The following VAV3 variants were observed in gnomAD, a reference collection of about 807,000 sequenced individuals.
The protein encoded by VAV3 is guanine nucleotide exchange factor VAV3.
A neutral mutation model predicts 131.2 loss-of-function variants in VAV3; 94 were observed. The ratio of observed to expected loss-of-function variants is 0.72; its 90% CI spans 0.61 to 0.85. The LOEUF (loss-of-function observed/expected upper bound fraction) is 0.85. VAV3 is among the 40% of genes least tolerant of loss of function. The pLI is 0.00. For missense variants in VAV3, 939 were observed against 1,002.7 expected, an observed-to-expected ratio of 0.94 and a Z score of 0.86; for synonymous variants, 349 against 342.0, an observed-to-expected ratio of 1.02 and a Z score of -0.22.
At chr1:107,714,149 G>C (rs372057818) in intron 15 of VAV3, among the ~76,000 whole-genome samples, 38 of 152,204 alleles carry the variant, frequency 2.5e-4, no homozygotes, top group African/African-American at 9.1e-4. Flanking sequence ...GTCTGAACTA[G>C]AAATTGACCT....
chr1:107,707,924 C>T (rs1403130349), intron 15 of VAV3, among the ~76,000 whole-genome samples: 1 of 152,184 alleles, frequency 6.6e-6, no homozygotes, highest in Non-Finnish European at 1.5e-5. Flanking sequence ...TCAAAAGAGG[C>T]ATTTATTTCA....
At chr1:107,652,154 G>A (rs1027026147) in intron 19 of VAV3, among the ~76,000 whole-genome samples, 1 of 152,144 alleles carries the variant, frequency 6.6e-6, no homozygotes, top group African/African-American at 2.4e-5. Flanking sequence ...TGATAAAACA[G>A]ATTGCAGTAA....
intron 21 of VAV3, 126 bp downstream of exon 21, chr1:107,617,441 T>C (rs1005015848): frequency 1.7e-5 from 12 of 716,966 alleles, no homozygotes; most frequent in Admixed American, 1.3e-4. Context: ...AAAATAATGA[T>C]TCTTCCAGAA....
intron 1 of VAV3, among the ~76,000 whole-genome samples, chr1:107,934,232 A>G (rs971651853): frequency 3.9e-5 from 6 of 152,220 alleles, no homozygotes; most frequent in Middle Eastern, 6.3e-3. Context: ...TGGCTAGATG[A>G]AAATATTGCA....
intron 25 of VAV3, among the ~76,000 whole-genome samples, chr1:107,594,056 A>G (rs1351958816): frequency 6.6e-6 from 1 of 152,108 alleles, no homozygotes; most frequent in East Asian, 1.9e-4. Context: ...CTGGAATGGT[A>G]TCACAAATTT....
At chr1:107,637,581 C>A (rs1321471199) in intron 20 of VAV3, among the ~76,000 whole-genome samples, 1 of 152,144 alleles carries the variant, frequency 6.6e-6, no homozygotes, top group Non-Finnish European at 1.5e-5. Flanking sequence ...CGTGATCCCG[C>A]CGCTGCACTC....
chr1:107,710,960 G>A (rs17540379), intron 15 of VAV3, among the ~76,000 whole-genome samples: 28,038 of 151,876 alleles, frequency 0.18, 3,174 homozygotes, highest in Non-Finnish European at 0.25. Context: ...AAAGATAATA[G>A]AAAACATATC....
Position 107,611,606 on chromosome 1 carries a change from A to AC in VAV3, c.1981-1642_1981-1641insG, listed in dbSNP as rs1201168621. ...CTTTCCATAGAGAACCAAAAAAAAA[A>AC]AACAAACAAACAAACAAAAAAAAGG... On this transcript the variant is annotated intron_variant, in intron 21 of 26. Coordinates refer to ENST00000370056, the MANE Select transcript of VAV3 (RefSeq NM_006113.5). Among the ~76,000 whole-genome samples the AC allele has an allele frequency of 2.8e-5, 4 of 143,328 alleles. No individual in the cohort carries two copies. The Admixed American group carries it at 2.9e-4, about 10-fold the overall frequency. The allele number at this position is 143,328 out of a possible 152,430, so 94.0% of individuals were successfully genotyped here. A position where few individuals can be genotyped will look rare whatever the true frequency, so the allele number is the denominator to read the frequency against.
intron 17 of VAV3, among the ~76,000 whole-genome samples, chr1:107,700,222 G>A (rs1264056895): frequency 6.6e-6 from 1 of 152,214 alleles, no homozygotes; most frequent in Non-Finnish European, 1.5e-5. Flanking sequence ...GGTCTATGCA[G>A]TCAACTTTCA....
intron 19 of VAV3, chr1:107,668,719 A>G: frequency 3.0e-6 from 3 of 984,980 alleles, no homozygotes; most frequent in Non-Finnish European, 3.6e-6. Flanking sequence ...GGAGGAAACT[A>G]ACAATTCTAA....
At chr1:107,796,800 A>AT (rs1553210372) in intron 2 of VAV3, among the ~76,000 whole-genome samples, 1,416 of 82,968 alleles carry the variant, frequency 0.017, 20 homozygotes, top group East Asian at 0.071. Flanking sequence ...TAAAAAAAAA[A>AT]AAAAATATAT....
intron 25 of VAV3, among the ~76,000 whole-genome samples, chr1:107,595,911 G>C (rs1429203507): frequency 6.6e-6 from 1 of 152,096 alleles, no homozygotes; most frequent in Non-Finnish European, 1.5e-5. Flanking sequence ...AAGTTAAAAA[G>C]AGTTTAGTTA....
At chr1:107,836,095 C>G (rs963215495) in intron 2 of VAV3, among the ~76,000 whole-genome samples, 1 of 152,202 alleles carries the variant, frequency 6.6e-6, no homozygotes. Flanking sequence ...GATGTCAACA[C>G]TCCACTGACA....
intron 2 of VAV3, among the ~76,000 whole-genome samples, chr1:107,791,747 C>T (rs1360812327): frequency 6.6e-6 from 1 of 152,016 alleles, no homozygotes; most frequent in Non-Finnish European, 1.5e-5. Flanking sequence ...ACCCTGAGGT[C>T]CAAGAGAATC....
intron 20 of VAV3, among the ~76,000 whole-genome samples, chr1:107,625,855 G>A (rs1027828176): frequency 1.3e-5 from 2 of 152,088 alleles, no homozygotes; most frequent in Admixed American, 6.5e-5. Flanking sequence ...CACGTCAGAT[G>A]GAATTCCAAA....
At chr1:107,772,884 C>T (rs754887929) in intron 4 of VAV3, 41 bp from the exon 5 acceptor site, 1 of 1,524,304 alleles carries the variant, frequency 6.6e-7, no homozygotes, top group East Asian at 2.3e-5. Flanking sequence ...TTCTATTATG[C>T]AGTAAATGCA....
chr1:107,654,860 T>C (rs923386547), intron 19 of VAV3, among the ~76,000 whole-genome samples: 2 of 151,826 alleles, frequency 1.3e-5, no homozygotes, highest in African/African-American at 2.4e-5. Context: ...ATGAAAATAA[T>C]AATGAAATAG....
chr1:107,575,812 A>G (rs1014137446), intron 25 of VAV3, among the ~76,000 whole-genome samples: 1 of 152,180 alleles, frequency 6.6e-6, no homozygotes, highest in African/African-American at 2.4e-5. Flanking sequence ...ATTTTTAAAA[A>G]TCGGTCAGAA....
At chr1:107,635,013 C>A (rs1046022333) in intron 20 of VAV3, among the ~76,000 whole-genome samples, 9 of 151,728 alleles carry the variant, frequency 5.9e-5, no homozygotes, top group South Asian at 4.2e-4. Context: ...CACTTTTACA[C>A]TGTTGGTGGG....
Sources: allele counts gnomAD v4.1 joint callset (sites outside exome capture counted in the v4.1 genomes callset), GRCh38; gene constraint gnomAD v4.1.1; transcripts MANE v1.5; gene names NCBI Gene and HGNC (gene_info 2026-07-23, HGNC 2026-07-21).